Variants in KCNK10 observed in about 807,000 individuals in gnomAD.
The protein encoded by KCNK10 is potassium channel subfamily K member 10.
In KCNK10, 25 loss-of-function variants were observed where a neutral mutation model predicts 47.7. The observed-to-expected ratio is 0.52, with a 90% CI of 0.38 to 0.73. The LOEUF (loss-of-function observed/expected upper bound fraction) is 0.73. Among genes scored for constraint, KCNK10 ranks in the 30% least tolerant of loss-of-function variants. KCNK10 has a pLI of 0.00. For missense variants in KCNK10, 563 were observed against 714.5 expected, an observed-to-expected ratio of 0.79 and a Z score of 2.42; for synonymous variants, 303 against 285.6, an observed-to-expected ratio of 1.06 and a Z score of -0.61.
At chr14:88,265,746 GT>G (rs1887235022) in intron 1 of KCNK10, among the ~76,000 whole-genome samples, 1 of 152,100 alleles carries the variant, frequency 6.6e-6, no homozygotes, top group Admixed American at 6.5e-5. Context: ...ATGGGGGCAG[GT>G]TTTTCCCCGT....
chr14:88,269,460 C>G (rs1482967470), intron 1 of KCNK10, among the ~76,000 whole-genome samples: 1 of 152,198 alleles, frequency 6.6e-6, no homozygotes, highest in African/African-American at 2.4e-5. Context: ...TTGGTTGAGA[C>G]AGGATCTTGC....
intron 4 of KCNK10, among the ~76,000 whole-genome samples, chr14:88,214,438 A>G (rs1371389463): frequency 1.3e-5 from 2 of 152,234 alleles, no homozygotes; most frequent in Admixed American, 1.3e-4. Context: ...AGTGGGGACT[A>G]TCTTTGCCTG....
At position 88,272,987 on chromosome 14, in the gene KCNK10, TC is replaced by T. The variant is rs1472276855; in HGVS notation, c.53-9437del. ...AATGCAGGAGAGTTAGGTGTGCAGC[TC>T]CTGTAGCCCATCCAGGTGGAGCTAT... On this transcript the variant is annotated intron_variant, in intron 1 of 6. Transcript: ENST00000319231. Among the ~76,000 whole-genome samples, 7 of 152,234 alleles carry T rather than the reference TC, an allele frequency of 4.6e-5. No individual in the cohort carries two copies. In the East Asian group the frequency reaches 1.4e-3, roughly 29 times the overall value.
intron 4 of KCNK10, among the ~76,000 whole-genome samples, chr14:88,194,394 C>T (rs79534526): frequency 0.019 from 2,854 of 152,280 alleles, 46 homozygotes; most frequent in East Asian, 0.043. Context: ...AAGGAGATTT[C>T]GCCATAGATC....
In KCNK10 at chr14:88,310,245, G is replaced by GGT. The variant is rs1271544141; in HGVS notation, c.52+12501_52+12502insAC. On this transcript the variant is annotated intron_variant, in intron 1 of 6. Transcript: ENST00000319231. ...ATGGTATATGATATACCATATAAAT[G>GGT]ATATGCATTTATCATGGTATATCAT... is the stretch of plus-strand genomic sequence containing the variant. 5.2e-3 allele frequency among the ~76,000 whole-genome samples: 71 copies of GGT among 13,670 alleles called. 5 individuals are homozygous for GGT. The highest frequency in any genetic ancestry group is 0.025 in the African/African-American group (69 of 2,744). 9.0% of individuals were successfully genotyped at this position (13,670 alleles called of 152,430 possible).
intron 1 of KCNK10, among the ~76,000 whole-genome samples, chr14:88,319,756 C>T (rs921823446): frequency 3.3e-5 from 5 of 152,062 alleles, no homozygotes; most frequent in Admixed American, 2.0e-4. Flanking sequence ...GGAACCTTAC[C>T]AGGCAAAAGC....
At chr14:88,294,156 G>A (rs1382942968) in intron 1 of KCNK10, among the ~76,000 whole-genome samples, 2 of 152,124 alleles carry the variant, frequency 1.3e-5, no homozygotes, top group Admixed American at 1.3e-4. Flanking sequence ...ACACAACCCA[G>A]GCAAAGCCAA....
intron 4 of KCNK10, among the ~76,000 whole-genome samples, chr14:88,210,801 C>G (rs76079059): frequency 0.22 from 32,312 of 148,348 alleles, 4,532 homozygotes; most frequent in Non-Finnish European, 0.31. Flanking sequence ...TTACCAAACG[C>G]TGTCATTTGG....
At chr14:88,304,574 C>T (rs1267528218) in intron 1 of KCNK10, among the ~76,000 whole-genome samples, 2 of 152,246 alleles carry the variant, frequency 1.3e-5, no homozygotes, top group African/African-American at 2.4e-5. Context: ...CAAGGCAGCG[C>T]TCTGCCTTCT....
intron 4 of KCNK10, among the ~76,000 whole-genome samples, chr14:88,225,997 C>T (rs1459006275): frequency 6.6e-6 from 1 of 152,236 alleles, no homozygotes; most frequent in Non-Finnish European, 1.5e-5. Context: ...TCCAGTAAAA[C>T]TCACACACCA....
In KCNK10 at chr14:88,248,228, C is replaced by T. The variant is rs147095062; in HGVS notation, c.403-7408G>A. ...CTGTACTGGACTACAAAAGCAGCTACAAGAATTCTGATTCATTACACTGTG... is the reference window on the plus strand; with the variant it reads ...CTGTACTGGACTACAAAAGCAGCTATAAGAATTCTGATTCATTACACTGTG... On this transcript the variant is annotated intron_variant, in intron 2 of 6. Coordinates refer to ENST00000319231, the MANE Select transcript of KCNK10 (RefSeq NM_138317.3). 3.6e-3 allele frequency among the ~76,000 whole-genome samples: 554 copies of T among 152,272 alleles called. 2 individuals carry two copies. The highest frequency in any genetic ancestry group is 0.02 in the Middle Eastern group (6 of 294).
chr14:88,311,289 T>C (rs954590895), intron 1 of KCNK10, among the ~76,000 whole-genome samples: 1 of 152,118 alleles, frequency 6.6e-6, no homozygotes, highest in African/African-American at 2.4e-5. Context: ...AATCTGATTG[T>C]GTCATCCTCC....
intron 3 of KCNK10, among the ~76,000 whole-genome samples, chr14:88,238,245 T>A (rs964926569): frequency 2.0e-5 from 3 of 152,258 alleles, no homozygotes; most frequent in African/African-American, 7.2e-5. Context: ...GATTTTGGCT[T>A]AAGGGAATGT....
chr14:88,269,852 C>A (rs1335089001), intron 1 of KCNK10, among the ~76,000 whole-genome samples: 1 of 152,170 alleles, frequency 6.6e-6, no homozygotes. Context: ...CAACCTATGA[C>A]AAGCTAACAA....
At chr14:88,245,452 C>A (rs1420667096) in intron 2 of KCNK10, among the ~76,000 whole-genome samples, 1 of 152,098 alleles carries the variant, frequency 6.6e-6, no homozygotes, top group Non-Finnish European at 1.5e-5. Flanking sequence ...GGTAACTGGA[C>A]CCCTCACAGG....
At chr14:88,265,557 GC>G (rs1887229964) in intron 1 of KCNK10, among the ~76,000 whole-genome samples, 1 of 152,198 alleles carries the variant, frequency 6.6e-6, no homozygotes, top group Admixed American at 6.5e-5. Flanking sequence ...AATTAGTGCT[GC>G]TTTAAGCCAC....
chr14:88,264,094 T>C (rs1386884950), intron 1 of KCNK10, among the ~76,000 whole-genome samples: 55 of 152,222 alleles, frequency 3.6e-4, no homozygotes, highest in Admixed American at 3.6e-3. Flanking sequence ...TATATCTTAA[T>C]AGAAGATGTG....
In KCNK10 at chr14:88,263,710, T is replaced by C. The variant is rs570062340; in HGVS notation, c.53-159A>G. Among the ~76,000 whole-genome samples, 12 of 152,242 alleles carry C rather than the reference T, an allele frequency of 7.9e-5. No individual in the cohort carries two copies. The South Asian group carries it at 2.3e-3, about 29-fold the overall frequency. On this transcript the variant is annotated intron_variant, in intron 1 of 6. Transcript: ENST00000319231. ...GCCTGCAGTTAGGGAATTTGATCAG[T>C]TGCTAGGTACCCATTTGAGTTCTAA...
intron 3 of KCNK10, 46 bp from the exon 4 acceptor site, chr14:88,227,581 A>G (rs761506612): frequency 2.6e-6 from 4 of 1,530,258 alleles, no homozygotes; most frequent in Non-Finnish European, 3.5e-6. Context: ...AGAAATTAGC[A>G]TACTGACCAA....
Sources: gnomAD v4.1 joint callset for allele counts (sites outside exome capture counted in the v4.1 genomes callset) on GRCh38, gnomAD v4.1.1 for gene constraint, MANE v1.5 for transcripts, NCBI Gene and HGNC (gene_info 2026-07-23, HGNC 2026-07-21) for gene names.